The following BTD variants were observed in gnomAD, a reference collection of about 807,000 sequenced individuals.
BTD encodes the protein biocytinase.
Under a neutral mutation model 17.7 loss-of-function variants are expected in BTD, and 13 were observed. That is an observed-to-expected ratio of 0.74 (90% CI 0.48 to 1.17). The LOEUF (loss-of-function observed/expected upper bound fraction) is 1.17, where lower values mean the gene tolerates loss of function less well. Among genes scored for constraint, BTD ranks in the 50% most tolerant of loss-of-function variants. The probability of loss-of-function intolerance (pLI) is 0.00; values close to 1 mark genes in which losing one functional copy is unlikely to be tolerated. For synonymous variants in BTD, 240 were observed against 245.2 expected, an observed-to-expected ratio of 0.98 and a Z score of 0.20; for missense variants, 674 against 650.4, an observed-to-expected ratio of 1.04 and a Z score of -0.39.
At chr3:15,658,579 G>A (rs1396904023), downstream of BTD, among the ~76,000 whole-genome samples, 1 of 151,728 alleles carries the variant, frequency 6.6e-6, no homozygotes, top group Non-Finnish European at 1.5e-5. Flanking sequence ...TTTAATCCAA[G>A]ATCCCCTAAC....
intron 3 of BTD, among the ~76,000 whole-genome samples, chr3:15,692,767 AC>A (rs2068978225): frequency 6.6e-6 from 1 of 152,246 alleles, no homozygotes; most frequent in Non-Finnish European, 1.5e-5. Flanking sequence ...AAGCCTAATC[AC>A]TAAATTATTT....
chr3:15,666,390 A>T (rs948955297), intron 3 of BTD, among the ~76,000 whole-genome samples: 7 of 97,408 alleles, frequency 7.2e-5, no homozygotes, highest in African/African-American at 3.0e-4. Flanking sequence ...ACCTTGGGCA[A>T]ACACTACTTC....
At position 15,644,833 on chromosome 3, in the gene BTD, A is replaced by G. The variant is rs747059644; in HGVS notation, c.917A>G (p.Glu306Gly). The stretch of plus-strand genomic sequence containing the variant: ...GAGTCCTTTTGGTACCATGACATGG[A>G]AAATCCCAAAAGTCACCTTATAATT... Reference protein sequence around the residue: ...PLESFWYHDMENPKSHLIIAQ... With the variant: ...PLESFWYHDMGNPKSHLIIAQ... Residue 306 changes from glutamate to glycine, a missense_variant, in exon 4 of 4, where the codon GAA becomes GGA. Glu to Gly is a moderately conservative substitution (Grantham distance 98). Coordinates refer to ENST00000643237, the MANE Select transcript of BTD (RefSeq NM_001370658.1). 9 of 1,614,122 alleles carry G rather than the reference A, an allele frequency of 5.6e-6. No individual in the cohort carries two copies. Among genetic ancestry groups the G allele is most frequent in the Non-Finnish European group, 6.8e-6 (8 of 1,180,050 alleles).
chr3:15,718,177 G>A (rs1319357427), intron 4 of BTD, among the ~76,000 whole-genome samples: 1 of 152,136 alleles, frequency 6.6e-6, no homozygotes, highest in African/African-American at 2.4e-5. Context: ...TGTAAGAGCT[G>A]GAAGGGATCT....
At chr3:15,696,412 TATC>T (rs1263244502) in intron 3 of BTD, among the ~76,000 whole-genome samples, 3 of 152,098 alleles carry the variant, frequency 2.0e-5, no homozygotes, top group Non-Finnish European at 2.9e-5. Context: ...CTGACTAAAG[TATC>T]ATAAAAATGC....
chr3:15,692,327 T>TAGTC (rs1325196693), intron 3 of BTD, among the ~76,000 whole-genome samples: 1 of 152,036 alleles, frequency 6.6e-6, no homozygotes. Context: ...TGTGCACCTA[T>TAGTC]AGTCCTAGCT....
At chr3:15,634,469 A>G (rs1372103597) in intron 1 of BTD, among the ~76,000 whole-genome samples, 1 of 152,200 alleles carries the variant, frequency 6.6e-6, no homozygotes, top group African/African-American at 2.4e-5. Context: ...GAATTGGACT[A>G]TTTACTCTAA....
intron 3 of BTD, among the ~76,000 whole-genome samples, chr3:15,699,502 G>A (rs2455818): frequency 0.47 from 71,402 of 151,914 alleles, 19,682 homozygotes; most frequent in Middle Eastern, 0.6. Context: ...ATCTGACAAA[G>A]GGCTAATATC....
downstream of BTD, among the ~76,000 whole-genome samples, chr3:15,656,887 G>C (rs192202603): frequency 6.6e-6 from 1 of 152,260 alleles, no homozygotes; most frequent in Admixed American, 6.5e-5. Context: ...GAAACGTAAT[G>C]GCTTGAACAG....
chr3:15,672,692 G>A (rs747634758), intron 3 of BTD, among the ~76,000 whole-genome samples: 26 of 152,298 alleles, frequency 1.7e-4, no homozygotes, highest in Middle Eastern at 3.4e-3. Context: ...AGGATGCCTT[G>A]GATGAGAGCG....
chr3:15,636,395 A>C (rs889323958), intron 2 of BTD, among the ~76,000 whole-genome samples: 1 of 152,184 alleles, frequency 6.6e-6, no homozygotes, highest in African/African-American at 2.4e-5. Flanking sequence ...GGTTGGCCTG[A>C]ATTTCCTGCT....
chr3:15,691,615 A>G (rs371080945), intron 3 of BTD, among the ~76,000 whole-genome samples: 7 of 152,312 alleles, frequency 4.6e-5, no homozygotes, highest in South Asian at 2.1e-4. Flanking sequence ...GCAAGAGATA[A>G]ACTTGCTCTG....
chr3:15,682,624 AGT>A, intron 3 of BTD, among the ~76,000 whole-genome samples: 1 of 152,234 alleles, frequency 6.6e-6, no homozygotes, highest in East Asian at 1.9e-4. Context: ...ATCTACAGCC[AGT>A]GTTTTTCTAA....
rs769908893 is a variant in BTD at position 15,635,868 on chromosome 3, G to A, written c.249+180G>A. ...CCTTACCCCTCAGAGAGTGGTCCGTGGACCGGCATCCCCTGGGAGCTTGTT... is the reference window on the plus strand; with the variant it reads ...CCTTACCCCTCAGAGAGTGGTCCGTAGACCGGCATCCCCTGGGAGCTTGTT... On this transcript the variant is annotated intron_variant, in intron 2 of 3. Transcript: ENST00000643237. This position sits in a 1 kb window ranked among gnomAD's most constrained non-coding sequence, Gnocchi z 4.1. Among the ~76,000 whole-genome samples the A allele has an allele frequency of 2.0e-5, 3 of 152,114 alleles. No homozygotes were observed. Among genetic ancestry groups the A allele is most frequent in the Non-Finnish European group, 4.4e-5 (3 of 68,018 alleles).
chr3:15,645,061 A>G lies in BTD; in HGVS notation c.1145A>G (p.Asn382Ser), dbSNP rs201023772. 547 of 1,614,006 alleles carry G rather than the reference A, an allele frequency of 3.4e-4. No homozygotes were observed. Among genetic ancestry groups the G allele is most frequent in the Non-Finnish European group, 4.3e-4 (508 of 1,180,038 alleles). Residue 382 changes from asparagine to serine, a missense_variant, in exon 4 of 4, where the codon AAT (asparagine) becomes AGT (serine). Transcript: ENST00000643237. ...TTTCACTCTGAGATGATGTATGACA[A>G]TTTCACCCTGGTCCCTGTCTGGGGA... ...PTFHSEMMYDNFTLVPVWGKE... is the reference protein window; with the variant it reads ...PTFHSEMMYDSFTLVPVWGKE...
intron 1 of BTD, among the ~76,000 whole-genome samples, chr3:15,605,299 G>A (rs1291663349): frequency 6.6e-6 from 1 of 152,180 alleles, no homozygotes; most frequent in East Asian, 1.9e-4. Context: ...AGTGTGTGCA[G>A]GGAAACTCCC....
chr3:15,612,096 G>A (rs1001411373), intron 1 of BTD, among the ~76,000 whole-genome samples: 2 of 151,698 alleles, frequency 1.3e-5, no homozygotes, highest in African/African-American at 4.8e-5. Flanking sequence ...TCTTGAGCAT[G>A]CCATTACTCT....
At chr3:15,614,069 A>G (rs1188771616) in intron 1 of BTD, among the ~76,000 whole-genome samples, 1 of 150,544 alleles carries the variant, frequency 6.6e-6, no homozygotes, top group Admixed American at 6.6e-5. Context: ...TATACCTTCA[A>G]ACATGTGTAA....
At chr3:15,630,102 A>G (rs1459444253) in intron 1 of BTD, 16 of 985,354 alleles carry the variant, frequency 1.6e-5, no homozygotes, top group Non-Finnish European at 1.9e-5. Flanking sequence ...ATTCAAAAAG[A>G]TGCCATCGTG....
Sources: allele counts gnomAD v4.1 joint callset (sites outside exome capture counted in the v4.1 genomes callset), GRCh38; gene constraint gnomAD v4.1.1; non-coding constraint Gnocchi (gnomAD v3.1); transcripts MANE v1.5; gene names NCBI Gene and HGNC (gene_info 2026-07-23, HGNC 2026-07-21).